PLCE1: variants seen among roughly 807,000 people sequenced by gnomAD.
PLCE1 encodes the protein phospholipase C epsilon 1, also known as 1-phosphatidylinositol 4,5-bisphosphate phosphodiesterase epsilon-1.
In PLCE1, 119 loss-of-function variants were observed where a neutral mutation model predicts 242.8. The ratio of observed to expected loss-of-function variants is 0.49; its 90% CI spans 0.42 to 0.57. The LOEUF (loss-of-function observed/expected upper bound fraction) is 0.57, where lower values mean the gene tolerates loss of function less well. Among genes scored for constraint, PLCE1 ranks in the 20% least tolerant of loss-of-function variants. The pLI, the probability that PLCE1 is intolerant of heterozygous loss-of-function variation, is 0.00. For missense variants in PLCE1, 2,441 were observed against 2,788.8 expected, an observed-to-expected ratio of 0.88 and a Z score of 2.81; for synonymous variants, 945 against 1,017.4, an observed-to-expected ratio of 0.93 and a Z score of 1.35.
chr10:94,196,597 G>A (rs1030655730), intron 4 of PLCE1, among the ~76,000 whole-genome samples: 1 of 152,048 alleles, frequency 6.6e-6, no homozygotes, highest in Admixed American at 6.5e-5. Flanking sequence ...ACCAGCCTGG[G>A]CTTTGCTGAC....
intron 3 of PLCE1, chr10:94,137,744 A>G (rs548940797): frequency 2.8e-5 from 5 of 180,498 alleles, no homozygotes; most frequent in Admixed American, 6.2e-5. Flanking sequence ...GATGGAGGCC[A>G]GCAAGATAGT....
intron 2 of PLCE1, chr10:94,107,454 T>A (rs908441767): frequency 6.6e-6 from 1 of 152,208 alleles, no homozygotes; most frequent in Non-Finnish European, 1.5e-5. Flanking sequence ...GCAAAGTTTC[T>A]GAAGTCATAA....
chr10:94,076,273 A>G (rs920955957), intron 2 of PLCE1, among the ~76,000 whole-genome samples: 2 of 152,146 alleles, frequency 1.3e-5, no homozygotes, highest in Non-Finnish European at 2.9e-5. Flanking sequence ...GGAGGTTATT[A>G]TCTGTTTTCT....
At chr10:94,150,194 G>A (rs1011651189) in intron 3 of PLCE1, among the ~76,000 whole-genome samples, 1 of 152,208 alleles carries the variant, frequency 6.6e-6, no homozygotes, top group Non-Finnish European at 1.5e-5. Context: ...TGTGCTGAGT[G>A]TTGTATGCAT....
chr10:94,233,775 C>T (rs897391257), intron 5 of PLCE1, among the ~76,000 whole-genome samples: 1 of 151,982 alleles, frequency 6.6e-6, no homozygotes, highest in African/African-American at 2.4e-5. Context: ...TGGCGAAACC[C>T]CGTCTCTACT....
chr10:94,029,820 C>T (rs116460815), intron 1 of PLCE1, among the ~76,000 whole-genome samples: 2,007 of 152,138 alleles, frequency 0.013, 51 homozygotes, highest in African/African-American at 0.045. Flanking sequence ...GGCAGCAGAG[C>T]GTGACTGCTG....
At chr10:94,297,264 G>A (rs760482510) in intron 23 of PLCE1, among the ~76,000 whole-genome samples, 2 of 152,012 alleles carry the variant, frequency 1.3e-5, no homozygotes, top group South Asian at 2.1e-4. Context: ...TGTCAGTATC[G>A]TTGTGTCTCA....
chr10:94,289,091 G>A (rs1458086469), intron 22 of PLCE1, among the ~76,000 whole-genome samples: 1 of 152,134 alleles, frequency 6.6e-6, no homozygotes, highest in African/African-American at 2.4e-5. Flanking sequence ...GAGAGGGCTT[G>A]GAACAGAACT....
chr10:94,304,420 A>C, intron 24 of PLCE1, 62 bp from the exon 25 acceptor site: 1 of 1,431,290 alleles, frequency 7.0e-7, no homozygotes, highest in Non-Finnish European at 9.9e-7. Context: ...TCAATTTATA[A>C]GGTGATACTT....
chr10:94,216,641 G>A (rs1255005720), intron 4 of PLCE1, among the ~76,000 whole-genome samples: 1 of 152,030 alleles, frequency 6.6e-6, no homozygotes, highest in African/African-American at 2.4e-5. Flanking sequence ...TCTCTCACAG[G>A]CCTTCTCCCA....
At chr10:94,205,918 T>G (rs1455506874) in intron 4 of PLCE1, among the ~76,000 whole-genome samples, 4 of 152,246 alleles carry the variant, frequency 2.6e-5, no homozygotes, top group Admixed American at 1.3e-4. Flanking sequence ...ATTGACTGAG[T>G]GCCCACTGTG....
chr10:94,289,615 A>T (rs574641074), intron 22 of PLCE1, among the ~76,000 whole-genome samples: 2 of 152,346 alleles, frequency 1.3e-5, no homozygotes, highest in East Asian at 3.9e-4. Context: ...ACGGTAGGTA[A>T]GTGTAACACA....
At chr10:94,107,107 C>T (rs975413168) in intron 2 of PLCE1, 21 of 152,400 alleles carry the variant, frequency 1.4e-4, no homozygotes, top group Admixed American at 1.2e-3. Context: ...GCAGTGGCGA[C>T]GCTTTATGTG....
At chr10:94,196,371 G>C (rs151015786) in intron 4 of PLCE1, among the ~76,000 whole-genome samples, 17 of 152,302 alleles carry the variant, frequency 1.1e-4, no homozygotes, top group Middle Eastern at 3.4e-3. Flanking sequence ...CCCTCAGCCT[G>C]GTTGTCACAG....
intron 3 of PLCE1, among the ~76,000 whole-genome samples, chr10:94,137,594 T>G (rs2046824190): frequency 6.6e-6 from 1 of 152,210 alleles, no homozygotes; most frequent in Admixed American, 6.5e-5. Context: ...AAATTGTTGC[T>G]GAGTAAAGCA....
Position 94,252,413 on chromosome 10 carries a change from C to T in PLCE1, c.3194C>T (p.Ala1065Val). The T allele has an allele frequency of 6.2e-7, 1 of 1,614,052 alleles. No individual in the cohort carries two copies. Among genetic ancestry groups the T allele is most frequent in the Non-Finnish European group, 8.5e-7 (1 of 1,179,970 alleles). The change falls in exon 9 of 33, where the codon GCA (alanine) becomes GTA (valine). Residue 1065 changes from alanine (A) to valine (V), a missense_variant. Transcript: ENST00000371380. ...CGAAACCCCAGCCCCGGAACATCAG[C>T]AAAGAATGCTGAGAAGCCCAATATG... Reference protein sequence around the residue: ...SARNPSPGTSAKNAEKPNMQR... With the variant: ...SARNPSPGTSVKNAEKPNMQR...
intron 4 of PLCE1, among the ~76,000 whole-genome samples, chr10:94,181,906 G>A (rs978713422): frequency 6.6e-6 from 1 of 152,110 alleles, no homozygotes; most frequent in African/African-American, 2.4e-5. Context: ...GATAGAGTGA[G>A]ACCCTTTCTC....
At chr10:94,166,799 T>TA (rs1590168279) in intron 3 of PLCE1, among the ~76,000 whole-genome samples, 1 of 152,170 alleles carries the variant, frequency 6.6e-6, no homozygotes, top group East Asian at 1.9e-4. Context: ...CACACCACCT[T>TA]ACAGGGTTCA....
In PLCE1 at chr10:94,316,606, A is replaced by G. The variant is rs753444403; in HGVS notation, c.6192A>G (p.Glu2064=). Residue 2064 remains glutamate (E), a synonymous_variant, in exon 29 of 33, where the codon GAA becomes GAG. Coordinates refer to ENST00000371380, the MANE Select transcript of PLCE1 (RefSeq NM_016341.4). ...CCACAGACTATTTTTTGATGGAAGA[A>G]AAATATTTTATATCTAAAGAAAAGA... ...PVTTDYFLME[E]KYFISKEKNE... 6 of 1,609,050 alleles carry G rather than the reference A, an allele frequency of 3.7e-6. No homozygotes were observed. The South Asian group carries it at 4.4e-5, about 12-fold the overall frequency.
Sources: allele counts gnomAD v4.1 joint callset (sites outside exome capture counted in the v4.1 genomes callset), GRCh38; gene constraint gnomAD v4.1.1; transcripts MANE v1.5; gene names NCBI Gene and HGNC (gene_info 2026-07-23, HGNC 2026-07-21).